TRDN: variants seen among roughly 807,000 people sequenced by gnomAD.
The protein encoded by TRDN is triadin.
In TRDN, 161 loss-of-function variants were observed where a neutral mutation model predicts 149.7. The observed-to-expected ratio is 1.08, with a 90% CI of 0.95 to 1.23. The LOEUF (loss-of-function observed/expected upper bound fraction) is 1.23. Ranked by LOEUF, TRDN falls within the 50% of genes most tolerant of loss-of-function variation. The pLI is 0.00. For synonymous variants in TRDN, 294 were observed against 250.5 expected (o/e 1.17, Z -1.64); for missense variants, 896 against 823.5 (o/e 1.09, Z -1.08).
intron 1 of TRDN, among the ~76,000 whole-genome samples, chr6:123,597,930 T>C (rs528127740): frequency 3.9e-5 from 6 of 152,254 alleles, no homozygotes; most frequent in Non-Finnish European, 8.8e-5. Context: ...AAATCTGAAG[T>C]ATCTTCAAGG....
At chr6:123,282,158 G>GC (rs1396310117) in intron 24 of TRDN, among the ~76,000 whole-genome samples, 1 of 151,956 alleles carries the variant, frequency 6.6e-6, no homozygotes, top group Non-Finnish European at 1.5e-5. Flanking sequence ...TGGGAGTGAT[G>GC]CATCTACAGG....
chr6:123,252,507 T>C (rs991192074), intron 37 of TRDN, 72 bp from the exon 38 acceptor site: 64 of 772,720 alleles, frequency 8.3e-5, no homozygotes, highest in Middle Eastern at 6.2e-4. Context: ...CAGTGGACTT[T>C]ATAAAAATAT....
At chr6:123,408,282 T>C (rs1286997721) in intron 12 of TRDN, among the ~76,000 whole-genome samples, 1 of 152,206 alleles carries the variant, frequency 6.6e-6, no homozygotes, top group Non-Finnish European at 1.5e-5. Context: ...AGCATCTCAC[T>C]ATACATGGTA....
chr6:123,530,607 G>T, intron 4 of TRDN, 42 bp from the exon 5 acceptor site: 1 of 1,115,308 alleles, frequency 9.0e-7, no homozygotes, highest in East Asian at 3.4e-5. Context: ...CTCTGAAAAT[G>T]TATAAAATTT....
Position 123,218,596 on chromosome 6 carries a change from T to G in TRDN, c.*5A>C. 6.2e-7 allele frequency: 1 copy of G among 1,610,748 alleles called. No individual in the cohort carries two copies. The highest frequency in any genetic ancestry group is 1.1e-5 in the South Asian group (1 of 90,882). ...AAAGCACTTGTAAGGGTCATACATG[T>G]GTGTTTACTGTCCTTGTTGCTTCTG... On this transcript the variant is annotated 3_prime_UTR_variant, in exon 41 of 41. Transcript: ENST00000334268.
At chr6:123,389,020 A>G (rs1234689564) in intron 13 of TRDN, among the ~76,000 whole-genome samples, 1 of 152,184 alleles carries the variant, frequency 6.6e-6, no homozygotes, top group Non-Finnish European at 1.5e-5. Flanking sequence ...TAAAATGCCC[A>G]ATTTCAGGAA....
chr6:123,560,150 G>C (rs989043559), intron 2 of TRDN, among the ~76,000 whole-genome samples: 12 of 152,286 alleles, frequency 7.9e-5, no homozygotes, highest in African/African-American at 9.6e-5. Context: ...AATACTTTTA[G>C]AGACCCTCAA....
Position 123,239,434 on chromosome 6 carries a change from C to A in TRDN, c.1975+12978G>T, listed in dbSNP as rs11967275. Among the ~76,000 whole-genome samples, 1,263 of 152,164 alleles carry A rather than the reference C, an allele frequency of 8.3e-3. 12 individuals are homozygous for A. Among genetic ancestry groups the A allele is most frequent in the African/African-American group, 0.029 (1,201 of 41,544 alleles). Reference sequence around the variant, plus strand: ...TTTAACGGCTATAGAATTGTGCTTTCAACCATTAGCAAAGACACAATCTTC... The same window carrying A: ...TTTAACGGCTATAGAATTGTGCTTTAAACCATTAGCAAAGACACAATCTTC... On this transcript the variant is annotated intron_variant, in intron 38 of 40. Coordinates refer to ENST00000334268, the MANE Select transcript of TRDN (RefSeq NM_006073.4).
intron 16 of TRDN, among the ~76,000 whole-genome samples, chr6:123,380,001 A>G (rs1781653166): frequency 6.6e-6 from 1 of 152,192 alleles, no homozygotes; most frequent in African/African-American, 2.4e-5. Context: ...GCAACCCTCA[A>G]GATAAAAAAT....
chr6:123,402,598 C>T (rs1263848083), intron 12 of TRDN, among the ~76,000 whole-genome samples: 2 of 152,056 alleles, frequency 1.3e-5, no homozygotes, highest in Non-Finnish European at 2.9e-5. Context: ...TGTCTTAGTA[C>T]ATTGAGCGCT....
At chr6:123,323,661 A>C (rs1364011107) in intron 23 of TRDN, among the ~76,000 whole-genome samples, 3 of 152,200 alleles carry the variant, frequency 2.0e-5, no homozygotes, top group Non-Finnish European at 2.9e-5. Context: ...TGCTGAGTGG[A>C]CATTAAACAC....
At chr6:123,333,239 G>A (rs1033153312) in intron 22 of TRDN, among the ~76,000 whole-genome samples, 7 of 151,990 alleles carry the variant, frequency 4.6e-5, no homozygotes, top group African/African-American at 1.7e-4. Flanking sequence ...GCAGGAGAGT[G>A]CAATGCTTCG....
intron 38 of TRDN, among the ~76,000 whole-genome samples, chr6:123,230,546 A>AATG (rs1264654177): frequency 6.6e-6 from 1 of 151,638 alleles, no homozygotes; most frequent in Non-Finnish European, 1.5e-5. Context: ...TAATAATAAT[A>AATG]ATAATAATAA....
intron 23 of TRDN, among the ~76,000 whole-genome samples, chr6:123,329,383 T>A (rs1779582488): frequency 1.3e-5 from 2 of 152,168 alleles, no homozygotes; most frequent in African/African-American, 4.8e-5. Context: ...AGCTCTCTAA[T>A]TACTAAAAGA....
At chr6:123,479,139 T>C (rs1398513423) in intron 9 of TRDN, among the ~76,000 whole-genome samples, 3 of 152,210 alleles carry the variant, frequency 2.0e-5, no homozygotes, top group African/African-American at 4.8e-5. Context: ...GACTGAATTA[T>C]AGTATTTTTA....
At chr6:123,531,466 T>G (rs1289247595) in intron 4 of TRDN, among the ~76,000 whole-genome samples, 1 of 152,078 alleles carries the variant, frequency 6.6e-6, no homozygotes, top group Non-Finnish European at 1.5e-5. Context: ...TCTACTAAAT[T>G]AAGATCAACC....
Position 123,438,998 on chromosome 6 carries a change from C to A in TRDN, c.937G>T (p.Glu313Ter), listed in dbSNP as rs756855345. Residue 313 changes from glutamate (E) to a stop codon, truncating the protein, a stop_gained, in exon 11 of 41, where the codon GAA becomes TAA. Transcript: ENST00000334268. LOFTEE classifies it high-confidence loss of function. ...TPASPALEEK[E>*]GEKKKAEKKV... Reference sequence around the variant, plus strand: ...TTCTCAGCCTTCTTCTTTTCCCCTTCTTTTTCTAGAGAATACATTTAAAAT... The same window carrying A: ...TTCTCAGCCTTCTTCTTTTCCCCTTATTTTTCTAGAGAATACATTTAAAAT... 2 of 1,553,826 alleles carry A rather than the reference C, an allele frequency of 1.3e-6. No individual in the cohort carries two copies. The highest frequency in any genetic ancestry group is 1.2e-5 in the South Asian group (1 of 83,290).
At chr6:123,617,309 G>C (rs1427176143) in intron 1 of TRDN, among the ~76,000 whole-genome samples, 1 of 152,090 alleles carries the variant, frequency 6.6e-6, no homozygotes, top group Admixed American at 6.6e-5. Flanking sequence ...ATTGCATGTA[G>C]GTGGCTGAAT....
At chr6:123,626,095 C>T (rs188828791) in intron 1 of TRDN, among the ~76,000 whole-genome samples, 1 of 152,268 alleles carries the variant, frequency 6.6e-6, no homozygotes, top group Non-Finnish European at 1.5e-5. Context: ...TATTCTAAAT[C>T]CTTTGTAGTC....
Sources: allele counts gnomAD v4.1 joint callset (sites outside exome capture counted in the v4.1 genomes callset), GRCh38; gene constraint gnomAD v4.1.1; transcripts MANE v1.5; gene names NCBI Gene and HGNC (gene_info 2026-07-23, HGNC 2026-07-21).